Variants in LIMA1 observed in about 807,000 individuals in gnomAD.
LIMA1 encodes the protein LIM domain and actin binding 1, also known as LIM domain and actin-binding protein 1.
In LIMA1, 52 loss-of-function variants were observed where a neutral mutation model predicts 62.6. The ratio of observed to expected loss-of-function variants is 0.83; its 90% confidence interval spans 0.67 to 1.05. The LOEUF is 1.05. Among genes scored for constraint, LIMA1 ranks in the 50% least tolerant of loss-of-function variants. The pLI is 0.00. For synonymous variants in LIMA1, 302 were observed against 317.8 expected (o/e 0.95, Z 0.53); for missense variants, 780 against 902.2 (o/e 0.86, Z 1.74).
intron 4 of LIMA1, 25 bp from the exon 5 acceptor site, chr12:50,206,093 G>C: frequency 1.9e-6 from 3 of 1,598,202 alleles, no homozygotes; most frequent in Non-Finnish European, 2.6e-6. Context: ...CCAACGATAA[G>C]TTTTGCAGAA....
chr12:50,194,090 C>A (rs1940872281), intron 8 of LIMA1, among the ~76,000 whole-genome samples: 1 of 150,732 alleles, frequency 6.6e-6, no homozygotes, highest in South Asian at 2.1e-4. Flanking sequence ...TGGGTTCAAG[C>A]AATTCTCCTG....
intron 2 of LIMA1, among the ~76,000 whole-genome samples, chr12:50,247,519 C>T (rs1246900513): frequency 1.3e-5 from 2 of 151,966 alleles, no homozygotes; most frequent in Admixed American, 1.3e-4. Context: ...GATTACAGCT[C>T]CCAGCCTTTG....
chr12:50,186,052 C>G (rs1338621536), intron 9 of LIMA1: 1 of 152,632 alleles, frequency 6.6e-6, no homozygotes, highest in Non-Finnish European at 1.5e-5. Flanking sequence ...TTTCTATGTC[C>G]TGGGCTCTCA....
At chr12:50,246,680 C>T (rs925556276) in intron 2 of LIMA1, among the ~76,000 whole-genome samples, 2 of 152,172 alleles carry the variant, frequency 1.3e-5, no homozygotes, top group Non-Finnish European at 2.9e-5. Context: ...GGTCTTCCAT[C>T]TGGCCCTAAA....
At chr12:50,244,000 C>T (rs1472943176) in intron 2 of LIMA1, among the ~76,000 whole-genome samples, 2 of 152,044 alleles carry the variant, frequency 1.3e-5, no homozygotes, top group Non-Finnish European at 2.9e-5. Context: ...CCACAACCTC[C>T]GCCTCCCAGG....
At chr12:50,218,194 C>CCATAG (rs1442158491) in intron 4 of LIMA1, 1 of 152,608 alleles carries the variant, frequency 6.6e-6, no homozygotes, top group Non-Finnish European at 1.5e-5. Flanking sequence ...CGTGAGCCAC[C>CCATAG]GCGCCCGGCC....
intron 9 of LIMA1, among the ~76,000 whole-genome samples, chr12:50,182,912 T>C (rs1230499318): frequency 3.9e-5 from 6 of 152,058 alleles, no homozygotes; most frequent in African/African-American, 1.4e-4. Context: ...TGATAAGAAA[T>C]AGTTACATGG....
rs557966257 is a variant in LIMA1 at position 50,193,925 on chromosome 12, C to T, written c.1031-1364G>A. On this transcript the variant is annotated intron_variant, in intron 8 of 10. Transcript: ENST00000341247. ...AAGCAAACTGCCTGCCTCAACCTCACGAAGTGCTGGGATTACAGGCATGAG... is the reference window on the plus strand; with the variant it reads ...AAGCAAACTGCCTGCCTCAACCTCATGAAGTGCTGGGATTACAGGCATGAG... 2.0e-5 allele frequency among the ~76,000 whole-genome samples: 3 copies of T among 149,116 alleles called. 1 individual carries two copies. The highest frequency in any genetic ancestry group is 4.9e-5 in the African/African-American group (2 of 40,726).
At chr12:50,201,547 T>C (rs1374410628) in intron 6 of LIMA1, 3 of 983,372 alleles carry the variant, frequency 3.1e-6, no homozygotes, top group Non-Finnish European at 3.6e-6. Flanking sequence ...TTGCATTTTT[T>C]TCCTTGCAAA....
Position 50,271,775 on chromosome 12 carries a change from G to C in LIMA1, c.-24+11645C>G, listed in dbSNP as rs566163049. The stretch of plus-strand genomic sequence containing the variant: ...CAGATGTACTGAATACCAGTGCCTG[G>C]AACATGTAGGGGCTCAATAAATATC... On this transcript the variant is annotated intron_variant, in intron 1 of 10. Coordinates refer to ENST00000341247, the MANE Select transcript of LIMA1 (RefSeq NM_016357.5). Among the ~76,000 whole-genome samples, 11 of 152,216 alleles carry C rather than the reference G, an allele frequency of 7.2e-5. No homozygotes were observed. The South Asian group carries it at 2.1e-3, about 29-fold the overall frequency.
At chr12:50,182,145 C>T (rs1359951669) in intron 9 of LIMA1, 108 bp from the exon 10 acceptor site, 2 of 1,228,106 alleles carry the variant, frequency 1.6e-6, no homozygotes, top group Admixed American at 4.1e-5. Flanking sequence ...GCTGGTCAGT[C>T]AATTCTCATG....
chr12:50,201,940 G>T (rs754241594), intron 6 of LIMA1: 1 of 152,040 alleles, frequency 6.6e-6, no homozygotes, highest in Admixed American at 6.6e-5. Context: ...CATAGAGGTC[G>T]ATGACTATAG....
At position 50,252,453 on chromosome 12, in the gene LIMA1, C is replaced by T. The variant is rs537977680; in HGVS notation, c.-23-3679G>A. Among the ~76,000 whole-genome samples, 113 of 152,026 alleles carry T rather than the reference C, an allele frequency of 7.4e-4. 1 individual carries two copies. Among genetic ancestry groups the T allele is most frequent in the African/African-American group, 2.2e-3 (93 of 41,454 alleles). ...AAAATTAGCTGGGCGTGGTGGCACG[C>T]GCCTGTAATCCCAGCTGCTCGGAAG... On this transcript the variant is annotated intron_variant, in intron 1 of 10. Transcript: ENST00000341247.
chr12:50,231,783 T>C, intron 2 of LIMA1, 73 bp from the exon 3 acceptor site: 1 of 1,460,088 alleles, frequency 6.8e-7, no homozygotes, highest in African/African-American at 1.4e-5. Flanking sequence ...TTATCTTTTT[T>C]TGAGATGAAG....
intron 6 of LIMA1, among the ~76,000 whole-genome samples, chr12:50,202,505 C>T (rs1941072261): frequency 6.6e-6 from 1 of 152,158 alleles, no homozygotes; most frequent in African/African-American, 2.4e-5. Flanking sequence ...AGTTCAGCTT[C>T]GCAGATCCCA....
Position 50,204,570 on chromosome 12 carries a change from G to A in LIMA1, c.846C>T (p.Ser282=). The change falls in exon 6 of 11, where the codon AGC becomes AGT. Residue 282 remains serine (S), a synonymous_variant. Transcript: ENST00000341247. ...AKYQAAVSKQ[S]SSTNYTNELK... is the part of the protein sequence containing the mutation. Reference sequence around the variant, plus strand: ...CACATACTGTATAGTTGGTTGAGCTGCTTTGTTTGGACACAGCTGCCTGGT... The same window carrying A: ...CACATACTGTATAGTTGGTTGAGCTACTTTGTTTGGACACAGCTGCCTGGT... 6.2e-7 allele frequency: 1 copy of A among 1,614,118 alleles called. No homozygotes were observed. Among genetic ancestry groups the A allele is most frequent in the Middle Eastern group, 1.6e-4 (1 of 6,062 alleles).
At chr12:50,281,493 A>C (rs1037931789) in intron 1 of LIMA1, among the ~76,000 whole-genome samples, 8 of 152,196 alleles carry the variant, frequency 5.3e-5, no homozygotes, top group Non-Finnish European at 1.0e-4. Flanking sequence ...ACAAAGCTTG[A>C]GTGTACCAAG....
chr12:50,199,127 C>T (rs1343172947), intron 7 of LIMA1, among the ~76,000 whole-genome samples: 1 of 152,160 alleles, frequency 6.6e-6, no homozygotes, highest in East Asian at 1.9e-4. Flanking sequence ...GTCAGGAGTT[C>T]AAGACCAGCC....
At chr12:50,217,008 C>T (rs1225223371) in intron 4 of LIMA1, among the ~76,000 whole-genome samples, 1 of 152,058 alleles carries the variant, frequency 6.6e-6, no homozygotes, top group Admixed American at 6.6e-5. Flanking sequence ...CACTATACCA[C>T]CAATGCCACC....
Sources: allele counts gnomAD v4.1 joint callset (sites outside exome capture counted in the v4.1 genomes callset), GRCh38; gene constraint gnomAD v4.1.1; transcripts MANE v1.5; gene names NCBI Gene and HGNC (gene_info 2026-07-23, HGNC 2026-07-21).